GALNTL6: variants seen among roughly 807,000 people sequenced by gnomAD.
GALNTL6 encodes the protein polypeptide N-acetylgalactosaminyltransferase-like 6.
In GALNTL6, 46 loss-of-function variants were observed where a neutral mutation model predicts 73.7. That is an observed-to-expected ratio of 0.62 (90% confidence interval 0.49 to 0.80). The LOEUF (loss-of-function observed/expected upper bound fraction) is 0.80, where lower values mean the gene tolerates loss of function less well. Among genes scored for constraint, GALNTL6 ranks in the 30% least tolerant of loss-of-function variants. GALNTL6 has a pLI of 0.00. For synonymous variants in GALNTL6, 259 were observed against 263.7 expected, an observed-to-expected ratio of 0.98 and a Z score of 0.17; for missense variants, 604 against 755.0, an observed-to-expected ratio of 0.80 and a Z score of 2.34.
chr4:172,761,786 A>G (rs10029106), intron 5 of GALNTL6, among the ~76,000 whole-genome samples: 54,607 of 151,660 alleles, frequency 0.36, 10,765 homozygotes, highest in African/African-American at 0.51. Context: ...CCTCCTAGTC[A>G]TGCTTCCTGT....
Position 172,393,804 on chromosome 4 carries a change from A to G in GALNTL6, c.553+45115A>G, listed in dbSNP as rs193146143. Reference sequence around the variant, plus strand: ...GTAATGTCTTAATAATTCAAACTATATTTTAATGCTAATTTATTCAGGTTT... The same window carrying G: ...GTAATGTCTTAATAATTCAAACTATGTTTTAATGCTAATTTATTCAGGTTT... On this transcript the variant is annotated intron_variant, in intron 5 of 12. Transcript: ENST00000506823. 8.0e-4 allele frequency among the ~76,000 whole-genome samples: 122 copies of G among 152,274 alleles called. 1 individual carries two copies. The South Asian group carries it at 0.016, about 20-fold the overall frequency.
At chr4:172,137,954 A>T (rs886115283) in intron 2 of GALNTL6, among the ~76,000 whole-genome samples, 1 of 152,182 alleles carries the variant, frequency 6.6e-6, no homozygotes, top group Admixed American at 6.5e-5. Flanking sequence ...GTGATTGCCG[A>T]AAGCTTTGGC....
intron 2 of GALNTL6, among the ~76,000 whole-genome samples, chr4:172,043,473 G>A (rs1163115983): frequency 2.0e-5 from 3 of 151,988 alleles, no homozygotes; most frequent in African/African-American, 7.2e-5. Context: ...TGTGAGCTAT[G>A]GATCATATGC....
At chr4:173,037,365 A>T (rs556938062) in intron 12 of GALNTL6, among the ~76,000 whole-genome samples, 1 of 152,336 alleles carries the variant, frequency 6.6e-6, no homozygotes, top group South Asian at 2.1e-4. Context: ...CTTCTCAGAC[A>T]TAGACAGATG....
chr4:172,023,467 T>A (rs1446730929), intron 2 of GALNTL6, among the ~76,000 whole-genome samples: 1 of 151,922 alleles, frequency 6.6e-6, no homozygotes, highest in Non-Finnish European at 1.5e-5. Context: ...AACTAAAATA[T>A]CAAACTGAGT....
At chr4:172,884,701 A>G (rs1489819148) in intron 8 of GALNTL6, among the ~76,000 whole-genome samples, 1 of 152,170 alleles carries the variant, frequency 6.6e-6, no homozygotes, top group African/African-American at 2.4e-5. Context: ...GCCCAGACCA[A>G]TGTCCTGTAG....
At position 172,096,788 on chromosome 4, in the gene GALNTL6, T is replaced by C. The variant is rs181945793; in HGVS notation, c.139-132868T>C. On this transcript the variant is annotated intron_variant, in intron 2 of 12. Transcript: ENST00000506823. ...AGTCAATTAACATAAGTAACTGATA[T>C]GGATATCCTCTTCTGTTGTGAATTT... is the stretch of plus-strand genomic sequence containing the variant. 1.1e-3 allele frequency among the ~76,000 whole-genome samples: 173 copies of C among 152,342 alleles called. 1 individual carries two copies. The highest frequency in any genetic ancestry group is 3.8e-3 in the African/African-American group (156 of 41,578).
chr4:172,823,790 G>C (rs771905698), intron 7 of GALNTL6, among the ~76,000 whole-genome samples: 9 of 152,188 alleles, frequency 5.9e-5, no homozygotes, highest in Non-Finnish European at 1.2e-4. Flanking sequence ...CATTCCTGAA[G>C]TCCTTTACAC....
chr4:172,975,013 C>T (rs1014085403), intron 10 of GALNTL6, among the ~76,000 whole-genome samples: 1 of 152,254 alleles, frequency 6.6e-6, no homozygotes, highest in Non-Finnish European at 1.5e-5. Context: ...CAAAGGACTG[C>T]AGCTCTTCCC....
intron 2 of GALNTL6, among the ~76,000 whole-genome samples, chr4:171,968,169 G>A (rs1210906591): frequency 1.3e-5 from 2 of 151,862 alleles, no homozygotes; most frequent in Non-Finnish European, 2.9e-5. Flanking sequence ...ATGCCGGAAT[G>A]CCCCTTGCCA....
intron 2 of GALNTL6, among the ~76,000 whole-genome samples, chr4:171,823,685 A>G (rs1165639489): frequency 6.6e-6 from 1 of 151,590 alleles, no homozygotes; most frequent in East Asian, 1.9e-4. Context: ...AAAAAGACTG[A>G]CGACTATAAT....
chr4:172,662,420 T>C (rs1731424560), intron 5 of GALNTL6, among the ~76,000 whole-genome samples: 1 of 152,364 alleles, frequency 6.6e-6, no homozygotes. Flanking sequence ...CCTGTGTCAC[T>C]TCTGGTGGGA....
intron 2 of GALNTL6, among the ~76,000 whole-genome samples, chr4:172,112,450 T>C (rs1732879138): frequency 6.6e-6 from 1 of 152,014 alleles, no homozygotes; most frequent in African/African-American, 2.4e-5. Flanking sequence ...AGGGTATGTT[T>C]AGTTTTGTAA....
intron 2 of GALNTL6, among the ~76,000 whole-genome samples, chr4:172,029,497 TA>T (rs1741699984): frequency 6.6e-6 from 1 of 152,092 alleles, no homozygotes; most frequent in African/African-American, 2.4e-5. Flanking sequence ...TTTCATTTTC[TA>T]TACTTTAAAA....
chr4:172,779,842 C>A (rs1739283060), intron 5 of GALNTL6, among the ~76,000 whole-genome samples: 1 of 152,050 alleles, frequency 6.6e-6, no homozygotes, highest in Admixed American at 6.5e-5. Flanking sequence ...GTGATAGAGG[C>A]TTTAGAGAGA....
At chr4:172,295,064 G>T (rs1180663159) in intron 3 of GALNTL6, among the ~76,000 whole-genome samples, 1 of 151,932 alleles carries the variant, frequency 6.6e-6, no homozygotes, top group Non-Finnish European at 1.5e-5. Context: ...ATATTACATA[G>T]TGCTTTCGTT....
chr4:172,775,635 T>C (rs1739030551), intron 5 of GALNTL6, among the ~76,000 whole-genome samples: 1 of 152,202 alleles, frequency 6.6e-6, no homozygotes, highest in Non-Finnish European at 1.5e-5. Flanking sequence ...AGATAAACCA[T>C]AGGATGACTC....
chr4:171,849,859 C>T (rs187243743), intron 2 of GALNTL6, among the ~76,000 whole-genome samples: 29 of 152,276 alleles, frequency 1.9e-4, no homozygotes, highest in Non-Finnish European at 4.0e-4. Context: ...GCTAACCATA[C>T]AAATTTAACT....
rs1735065530 is a variant in GALNTL6, at chr4:171,835,055, C to T, written c.138+20337C>T. ...GACAAAGAACATTCTCCATGTTCTT[C>T]TTGCCATCTCTCTCTGATTGAATTT... On this transcript the variant is annotated intron_variant, in intron 2 of 12. Coordinates refer to ENST00000506823, the MANE Select transcript of GALNTL6 (RefSeq NM_001034845.3). Among the ~76,000 whole-genome samples the T allele has an allele frequency of 2.0e-5, 3 of 152,140 alleles. No homozygotes were observed. In the South Asian group the frequency reaches 6.2e-4, roughly 32 times the overall value.
Sources: gnomAD v4.1 joint callset for allele counts (sites outside exome capture counted in the v4.1 genomes callset) on GRCh38, gnomAD v4.1.1 for gene constraint, MANE v1.5 for transcripts, NCBI Gene and HGNC (gene_info 2026-07-23, HGNC 2026-07-21) for gene names.